The following MNDA variants were observed in gnomAD, a reference collection of about 807,000 sequenced individuals.
MNDA encodes myeloid cell nuclear differentiation antigen.
In MNDA, 43 loss-of-function variants were observed where a neutral mutation model predicts 37.8. The ratio of observed to expected loss-of-function variants is 1.14; its 90% CI spans 0.89 to 1.47. MNDA has a LOEUF of 1.47. Ranked by LOEUF, MNDA falls within the 40% of genes most tolerant of loss-of-function variation. MNDA has a pLI of 0.00. For missense variants in MNDA, 536 were observed against 476.0 expected (o/e 1.13, Z -1.17); for synonymous variants, 181 against 169.0 (o/e 1.07, Z -0.55).
Position 158,845,896 on chromosome 1 carries a change from G to A in MNDA, c.880G>A (p.Glu294Lys), listed in dbSNP as rs1162503615. 1 of 1,614,154 alleles carries A rather than the reference G, an allele frequency of 6.2e-7. No homozygotes were observed. The highest frequency in any genetic ancestry group is 1.7e-5 in the Admixed American group (1 of 60,026). Reference protein sequence around the residue: ...SSVSDFNQNFEVPNRIIEIAN... With the variant: ...SSVSDFNQNFKVPNRIIEIAN... Reference sequence around the variant, plus strand: ...TGTGTCTGACTTTAATCAAAATTTTGAGGTCCCAAACAGAATTATCGAAAT... The same window carrying A: ...TGTGTCTGACTTTAATCAAAATTTTAAGGTCCCAAACAGAATTATCGAAAT... Residue 294 changes from glutamate (E) to lysine (K), a missense_variant, in exon 5 of 7, where the codon GAG (glutamate) becomes AAG (lysine). Glu to Lys is a moderately conservative substitution (Grantham distance 56). Transcript: ENST00000368141.
At chr1:158,833,985 CT>C (rs1000634142) in intron 1 of MNDA, among the ~76,000 whole-genome samples, 10 of 151,938 alleles carry the variant, frequency 6.6e-5, no homozygotes, top group Non-Finnish European at 1.3e-4. Context: ...CAAGGTTTCC[CT>C]TTTTTACTCA....
At chr1:158,835,407 G>A (rs952176564) in intron 1 of MNDA, among the ~76,000 whole-genome samples, 5 of 151,766 alleles carry the variant, frequency 3.3e-5, no homozygotes, top group South Asian at 2.1e-4. Flanking sequence ...CTTTTTGTTC[G>A]TTGTTAGCGT....
chr1:158,837,072 T>A (rs1658930708), intron 1 of MNDA, among the ~76,000 whole-genome samples: 1 of 151,882 alleles, frequency 6.6e-6, no homozygotes, highest in South Asian at 2.1e-4. Context: ...TCTGTATGAT[T>A]TCAAACGTTT....
rs750755720 is a variant in MNDA, at chr1:158,847,840, T to C, written c.1100T>C (p.Leu367Pro). Residue 367 changes from leucine (L) to proline (P), a missense_variant, in exon 6 of 7, where the codon CTT (leucine) becomes CCT (proline). Transcript: ENST00000368141. Reference sequence around the variant, plus strand: ...ATCAAGTGTGAGAAAGGAGATAAACTTCGACTCTTCTGCCTTCAACTGAGA... The same window carrying C: ...ATCAAGTGTGAGAAAGGAGATAAACCTCGACTCTTCTGCCTTCAACTGAGA... ...HNIKCEKGDK[L>P]RLFCLQLRTV... The C allele has an allele frequency of 5.6e-6, 9 of 1,614,038 alleles. No individual in the cohort carries two copies. The highest frequency in any genetic ancestry group is 7.6e-6 in the Non-Finnish European group (9 of 1,179,910).
rs1659204368 is a variant in MNDA, at chr1:158,849,432, T to G, written c.*195T>G. On this transcript the variant is annotated 3_prime_UTR_variant, in exon 7 of 7. Coordinates refer to ENST00000368141, the MANE Select transcript of MNDA (RefSeq NM_002432.3). The stretch of plus-strand genomic sequence containing the variant: ...AAAATTTTCTTCTTATACTCTTCCT[T>G]TTTTTTAGATATTACATTTTGCTTT... The G allele has an allele frequency of 2.1e-6, 1 of 487,250 alleles. No individual in the cohort carries two copies. The highest frequency in any genetic ancestry group is 3.7e-6 in the Non-Finnish European group (1 of 271,696). The allele number at this position is 487,250 out of a possible 1,614,324, so 30.2% of individuals were successfully genotyped here.
rs566965607 is a variant in MNDA, at chr1:158,833,431, G to A, written c.-21+1874G>A. ...TTGTTGTGCAACCAACCTCCAGAAC[G>A]CCTTTGCATCTTGCAAAACTAAAAC... On this transcript the variant is annotated intron_variant, in intron 1 of 6. Coordinates refer to ENST00000368141, the MANE Select transcript of MNDA (RefSeq NM_002432.3). Among the ~76,000 whole-genome samples, 23 of 152,190 alleles carry A rather than the reference G, an allele frequency of 1.5e-4. 1 individual carries two copies. The South Asian group carries it at 4.6e-3, about 30-fold the overall frequency.
chr1:158,833,780 T>A (rs1353373928), intron 1 of MNDA, among the ~76,000 whole-genome samples: 3 of 152,216 alleles, frequency 2.0e-5, no homozygotes, highest in African/African-American at 7.2e-5. Context: ...ACTTTCACAT[T>A]TTTCTGTTGT....
At chr1:158,839,857 T>C (rs1658994895) in intron 1 of MNDA, among the ~76,000 whole-genome samples, 1 of 152,236 alleles carries the variant, frequency 6.6e-6, no homozygotes, top group South Asian at 2.1e-4. Context: ...TTCCATGGTA[T>C]AATGAAAGTC....
intron 1 of MNDA, among the ~76,000 whole-genome samples, chr1:158,835,628 TG>T (rs1658896130): frequency 1.4e-5 from 1 of 71,294 alleles, no homozygotes; most frequent in Non-Finnish European, 2.7e-5. Context: ...GGGCGGGGGG[TG>T]GGTGTTAAAC....
intron 1 of MNDA, among the ~76,000 whole-genome samples, chr1:158,836,464 G>A (rs1230865688): frequency 2.6e-5 from 4 of 151,942 alleles, no homozygotes; most frequent in South Asian, 4.1e-4. Context: ...CAGGTTGTAT[G>A]TTTCTAATAA....
chr1:158,847,759 A>AAATACAGGAT lies in MNDA; in HGVS notation c.1030_1039dup (p.Ser347Ter), dbSNP rs1173055577. 1 of 1,613,118 alleles carries AAATACAGGAT rather than the reference A, an allele frequency of 6.2e-7. No homozygotes were observed. ...GTACACAAGAAGAACACAATTTATG[A>AAATACAGGAT]AATACAGGATAATACAGGATCCATG... On this transcript the variant is annotated frameshift_variant, in exon 6 of 7. Transcript: ENST00000368141. LOFTEE classifies it high-confidence loss of function.
chr1:158,847,601 G>C lies in MNDA; in HGVS notation c.988-127G>C, dbSNP rs1023623929. 2.0e-5 allele frequency: 15 copies of C among 768,352 alleles called. No homozygotes were observed. In the African/African-American group the frequency reaches 2.6e-4, roughly 13 times the overall value. 47.6% of individuals were successfully genotyped at this position (768,352 alleles called of 1,614,324 possible). A position where few individuals can be genotyped will look rare whatever the true frequency, so the allele number is the denominator to read the frequency against. On this transcript the variant is annotated intron_variant, in intron 5 of 6. Coordinates refer to ENST00000368141, the MANE Select transcript of MNDA (RefSeq NM_002432.3). Reference sequence around the variant, plus strand: ...TGGACCCTGTGAGATGGCAGGCCAAGCCACATGTATGATCTGTACCTGTCA... The same window carrying C: ...TGGACCCTGTGAGATGGCAGGCCAACCCACATGTATGATCTGTACCTGTCA...
rs143684423 is a variant in MNDA, at chr1:158,843,946, T to C, written c.403-9T>C. The C allele has an allele frequency of 7.6e-6, 12 of 1,571,840 alleles. No homozygotes were observed. The East Asian group carries it at 2.5e-4, about 32-fold the overall frequency. ...AACTCCATTAACAGGAAAATTAAAC[T>C]ACTTTCAGAAAAGAAAAACTCCAAA... On this transcript the variant is annotated splice_polypyrimidine_tract_variant and intron_variant, in intron 3 of 6. Transcript: ENST00000368141.
chr1:158,843,169 C>T lies in MNDA; in HGVS notation c.266-110C>T, dbSNP rs538755534. ...ATGCAGTAGAGGTAACAGGCAAATC[C>T]GAACTCTCATGCAGGAGCTGACAGC... is the stretch of plus-strand genomic sequence containing the variant. On this transcript the variant is annotated intron_variant, in intron 2 of 6. Coordinates refer to ENST00000368141, the MANE Select transcript of MNDA (RefSeq NM_002432.3). The T allele has an allele frequency of 1.5e-4, 212 of 1,386,732 alleles. 1 individual carries two copies. The Middle Eastern group carries it at 4.9e-3, about 32-fold the overall frequency. The allele number at this position is 1,386,732 out of a possible 1,614,324, so 85.9% of individuals were successfully genotyped here.
chr1:158,843,485 A>G, intron 3 of MNDA, 70 bp downstream of exon 3: 1 of 1,432,692 alleles, frequency 7.0e-7, no homozygotes, highest in Non-Finnish European at 9.3e-7. Context: ...GTGGCTCTTT[A>G]CTAATATCTC....
intron 5 of MNDA, among the ~76,000 whole-genome samples, 192 bp from the exon 6 acceptor site, chr1:158,847,536 A>G (rs1432268333): frequency 2.0e-5 from 3 of 152,128 alleles, no homozygotes; most frequent in Non-Finnish European, 4.4e-5. Context: ...AGAAAGAAAA[A>G]TACCTTAAGC....
chr1:158,849,271 G>T lies in MNDA; in HGVS notation c.*34G>T. 6.3e-7 allele frequency: 1 copy of T among 1,580,058 alleles called. No homozygotes were observed. Among genetic ancestry groups the T allele is most frequent in the Non-Finnish European group, 8.7e-7 (1 of 1,154,596 alleles). Reference sequence around the variant, plus strand: ...AGCTGAAATGCAACAAACAACTTCCGCTTAAAACAATTAAGTTGTTAATAA... The same window carrying T: ...AGCTGAAATGCAACAAACAACTTCCTCTTAAAACAATTAAGTTGTTAATAA... On this transcript the variant is annotated 3_prime_UTR_variant, in exon 7 of 7. Coordinates refer to ENST00000368141, the MANE Select transcript of MNDA (RefSeq NM_002432.3).
At chr1:158,837,078 C>T (rs535003225) in intron 1 of MNDA, among the ~76,000 whole-genome samples, 24 of 151,796 alleles carry the variant, frequency 1.6e-4, no homozygotes, top group African/African-American at 5.3e-4. Flanking sequence ...TGATTTCAAA[C>T]GTTTAACATT....
At chr1:158,847,234 C>T (rs867666117) in intron 5 of MNDA, among the ~76,000 whole-genome samples, 1 of 152,088 alleles carries the variant, frequency 6.6e-6, no homozygotes, top group African/African-American at 2.4e-5. Context: ...AATGGCTGCC[C>T]TAAAATCTCA....
Sources: gnomAD v4.1 joint callset for allele counts (sites outside exome capture counted in the v4.1 genomes callset) on GRCh38, gnomAD v4.1.1 for gene constraint, MANE v1.5 for transcripts, NCBI Gene and HGNC (gene_info 2026-07-23, HGNC 2026-07-21) for gene names.